Variants in EIF2AK2 observed in about 807,000 individuals in gnomAD.
The protein encoded by EIF2AK2 is interferon-induced, double-stranded RNA-activated protein kinase.
Under a neutral mutation model 70.5 loss-of-function variants are expected in EIF2AK2, and 40 were observed. The observed-to-expected ratio is 0.57, with a 90% CI of 0.44 to 0.74. The LOEUF is 0.74. Ranked by LOEUF, EIF2AK2 falls within the 30% of genes least tolerant of loss-of-function variation. The pLI, the probability that EIF2AK2 is intolerant of heterozygous loss-of-function variation, is 0.00. For synonymous variants in EIF2AK2, 198 were observed against 220.9 expected (o/e 0.90, Z 0.92); for missense variants, 555 against 644.3 (o/e 0.86, Z 1.50).
chr2:37,154,127 G>C (rs764728896), intron 1 of EIF2AK2, among the ~76,000 whole-genome samples: 1 of 152,088 alleles, frequency 6.6e-6, no homozygotes, highest in East Asian at 1.9e-4. Context: ...GGGACTTCAA[G>C]ACCAGCCTGA....
At chr2:37,144,181 T>C (rs1675440169) in intron 4 of EIF2AK2, among the ~76,000 whole-genome samples, 1 of 152,178 alleles carries the variant, frequency 6.6e-6, no homozygotes, top group Non-Finnish European at 1.5e-5. Context: ...TACAGCACAA[T>C]GCATTACTCA....
chr2:37,100,451 C>G lies in EIF2AK2; in HGVS notation c.*6822G>C, dbSNP rs1673800047. 1 of 152,170 alleles carries G rather than the reference C, an allele frequency of 6.6e-6. No homozygotes were observed. The highest frequency in any genetic ancestry group is 2.4e-5 in the African/African-American group (1 of 41,432). The allele number at this position is 152,170 out of a possible 1,614,324, so 9.4% of individuals were successfully genotyped here. On this transcript the variant is annotated 3_prime_UTR_variant, in exon 17 of 17. Coordinates refer to ENST00000233057, the MANE Select transcript of EIF2AK2 (RefSeq NM_001135651.3). ...TAATACAGGTCCAAATCAAATTAAC[C>G]CCATAAGAGCCACACAGATTTGAGA...
At chr2:37,115,758 G>C (rs1674320796) in intron 13 of EIF2AK2, among the ~76,000 whole-genome samples, 1 of 152,108 alleles carries the variant, frequency 6.6e-6, no homozygotes, top group Non-Finnish European at 1.5e-5. Flanking sequence ...TTTTCTCCAA[G>C]CCTCTGACAA....
rs1480057269 is a variant in EIF2AK2 at position 37,101,815 on chromosome 2, C to A, written c.*5458G>T. ...ATTTTTGAGATAGAAACAATACAGA[C>A]TATTATATGATAATTAAGGAAATCT... is the stretch of plus-strand genomic sequence containing the variant. On this transcript the variant is annotated 3_prime_UTR_variant, in exon 17 of 17. Transcript: ENST00000233057. 6.6e-6 allele frequency: 1 copy of A among 152,266 alleles called. No individual in the cohort carries two copies. The highest frequency in any genetic ancestry group is 1.9e-4 in the East Asian group (1 of 5,190). The allele number at this position is 152,266 out of a possible 1,614,324, so 9.4% of individuals were successfully genotyped here. A position where few individuals can be genotyped will look rare whatever the true frequency, so the allele number is the denominator to read the frequency against.
At position 37,107,538 on chromosome 2, in the gene EIF2AK2, A is replaced by C; in HGVS notation, c.1480-11T>G. ...TAGGTCTGTGAAAAACTGGAAAAAA[A>C]AATGATAGGTGTATATTAGGAAATT... is the stretch of plus-strand genomic sequence containing the variant. On this transcript the variant is annotated splice_polypyrimidine_tract_variant and intron_variant, in intron 15 of 16. Transcript: ENST00000233057. 6.2e-7 allele frequency: 1 copy of C among 1,609,266 alleles called. No homozygotes were observed. The highest frequency in any genetic ancestry group is 2.2e-5 in the East Asian group (1 of 44,846).
chr2:37,115,114 C>A, intron 13 of EIF2AK2: 1 of 173,610 alleles, frequency 5.8e-6, no homozygotes, highest in Non-Finnish European at 1.2e-5. Flanking sequence ...GTGGTGCTAT[C>A]TCGGTTCACT....
At chr2:37,139,057 C>A (rs946547410) in intron 6 of EIF2AK2, among the ~76,000 whole-genome samples, 1 of 151,928 alleles carries the variant, frequency 6.6e-6, no homozygotes, top group East Asian at 1.9e-4. Flanking sequence ...TGGCTCAAGC[C>A]TGTAAACCCC....
intron 11 of EIF2AK2, among the ~76,000 whole-genome samples, chr2:37,124,569 T>C (rs1674668750): frequency 6.6e-6 from 1 of 152,018 alleles, no homozygotes; most frequent in Admixed American, 6.5e-5. Context: ...CAGCCAGTCA[T>C]TTTTAATGGC....
intron 5 of EIF2AK2, among the ~76,000 whole-genome samples, chr2:37,141,226 C>G (rs946249836): frequency 6.6e-6 from 1 of 152,188 alleles, no homozygotes; most frequent in African/African-American, 2.4e-5. Flanking sequence ...TTACCACCAT[C>G]ATGTCCTCAA....
At position 37,102,202 on chromosome 2, in the gene EIF2AK2, T is replaced by C. The variant is rs948647189; in HGVS notation, c.*5071A>G. On this transcript the variant is annotated 3_prime_UTR_variant, in exon 17 of 17. Transcript: ENST00000233057. The stretch of plus-strand genomic sequence containing the variant: ...TTACAAGGAGCTGTGATCGTACCAC[T>C]GTACTCTGGCCTGGGTGACAGAGTG... The C allele has an allele frequency of 1.3e-5, 2 of 152,146 alleles. No individual in the cohort carries two copies. Among genetic ancestry groups the C allele is most frequent in the African/African-American group, 4.8e-5 (2 of 41,430 alleles). 9.4% of individuals were successfully genotyped at this position (152,146 alleles called of 1,614,324 possible). A position where few individuals can be genotyped will look rare whatever the true frequency, so the allele number is the denominator to read the frequency against.
chr2:37,151,828 C>G (rs1158421470), intron 1 of EIF2AK2, among the ~76,000 whole-genome samples: 2 of 152,240 alleles, frequency 1.3e-5, no homozygotes, highest in African/African-American at 2.4e-5. Context: ...CCTGTACTCC[C>G]AACACTCTGG....
intron 14 of EIF2AK2, among the ~76,000 whole-genome samples, chr2:37,112,148 G>A (rs1224975958): frequency 1.3e-5 from 2 of 151,894 alleles, no homozygotes; most frequent in African/African-American, 4.8e-5. Flanking sequence ...GCCATCACAA[G>A]GTTCTGCCAT....
chr2:37,124,504 C>T (rs1038053002), intron 11 of EIF2AK2, among the ~76,000 whole-genome samples: 2 of 152,142 alleles, frequency 1.3e-5, no homozygotes, highest in Non-Finnish European at 2.9e-5. Flanking sequence ...CGTGATCTGC[C>T]TGTCTTGGCC....
chr2:37,120,815 T>G (rs1447918805), intron 12 of EIF2AK2, among the ~76,000 whole-genome samples: 2 of 148,570 alleles, frequency 1.3e-5, no homozygotes, highest in South Asian at 4.4e-4. Context: ...ACACAAAAAT[T>G]AGCTGGGTGT....
In EIF2AK2 at chr2:37,141,719, T is replaced by C. The variant is rs1179811417; in HGVS notation, c.241-18A>G. On this transcript the variant is annotated intron_variant, in intron 4 of 16. Transcript: ENST00000233057. ...CTAACTGCCTACAAAGAAAAAAAAT[T>C]CCTGTTTAATATAAATGACAACAAA... The C allele has an allele frequency of 6.3e-7, 1 of 1,588,462 alleles. No individual in the cohort carries two copies. The highest frequency in any genetic ancestry group is 8.5e-7 in the Non-Finnish European group (1 of 1,170,756).
At chr2:37,132,894 A>G in intron 10 of EIF2AK2, among the ~76,000 whole-genome samples, 1 of 152,168 alleles carries the variant, frequency 6.6e-6, no homozygotes, top group East Asian at 1.9e-4. Flanking sequence ...TCTGGTTGAT[A>G]CCTTTTCGGC....
intron 11 of EIF2AK2, 85 bp downstream of exon 11, chr2:37,126,204 A>C: frequency 6.9e-7 from 1 of 1,446,246 alleles, no homozygotes; most frequent in East Asian, 2.4e-5. Flanking sequence ...ATGATACCCT[A>C]ATAAAGAAGA....
rs1271504796 is a variant in EIF2AK2 at position 37,100,376 on chromosome 2, TA to T, written c.*6896del. 1 of 152,198 alleles carries T rather than the reference TA, an allele frequency of 6.6e-6. No homozygotes were observed. The highest frequency in any genetic ancestry group is 1.5e-5 in the Non-Finnish European group (1 of 68,034). 9.4% of individuals were successfully genotyped at this position (152,198 alleles called of 1,614,324 possible). On this transcript the variant is annotated 3_prime_UTR_variant, in exon 17 of 17. Coordinates refer to ENST00000233057, the MANE Select transcript of EIF2AK2 (RefSeq NM_001135651.3). The stretch of plus-strand genomic sequence containing the variant: ...GAAAGAGAATAAATGTGTGTTGTTT[TA>T]AACCACCAAGTTTGTGGTAATTTGT...
Position 37,107,003 on chromosome 2 carries a change from T to C in EIF2AK2, c.*270A>G, listed in dbSNP as rs1488876915. On this transcript the variant is annotated 3_prime_UTR_variant, in exon 17 of 17. Transcript: ENST00000233057. The stretch of plus-strand genomic sequence containing the variant: ...GTTGCAGTGAGCCAAGACTGTGTCA[T>C]TGCACTCCAGCCTGGGCAACAGAGC... 5 of 259,708 alleles carry C rather than the reference T, an allele frequency of 1.9e-5. No individual in the cohort carries two copies. Among genetic ancestry groups the C allele is most frequent in the East Asian group, 9.9e-5 (1 of 10,120 alleles). 16.1% of individuals were successfully genotyped at this position (259,708 alleles called of 1,614,324 possible). A position where few individuals can be genotyped will look rare whatever the true frequency, so the allele number is the denominator to read the frequency against.
Sources: gnomAD v4.1 joint callset for allele counts (sites outside exome capture counted in the v4.1 genomes callset) on GRCh38, gnomAD v4.1.1 for gene constraint, MANE v1.5 for transcripts, NCBI Gene and HGNC (gene_info 2026-07-23, HGNC 2026-07-21) for gene names.